CDC73: variants seen among roughly 807,000 people sequenced by gnomAD.
CDC73 encodes the protein cell division cycle 73.
CDC73 carries 21 observed loss-of-function variants against 83.7 expected under a neutral mutation model. The observed-to-expected ratio is 0.25, with a 90% confidence interval of 0.18 to 0.36. CDC73 has a LOEUF of 0.36. Ranked by LOEUF, CDC73 falls within the 10% of genes least tolerant of loss-of-function variation. The pLI is 1.00. For missense variants in CDC73, 342 were observed against 653.3 expected, an observed-to-expected ratio of 0.52 and a Z score of 5.19; for synonymous variants, 224 against 212.9, an observed-to-expected ratio of 1.05 and a Z score of -0.45.
chr1:193,248,339 A>G (rs1289445122), intron 15 of CDC73, among the ~76,000 whole-genome samples: 2 of 152,122 alleles, frequency 1.3e-5, no homozygotes, highest in African/African-American at 4.8e-5. Context: ...ATTCCTTTCA[A>G]AATATTAGTG....
intron 14 of CDC73, among the ~76,000 whole-genome samples, chr1:193,235,596 C>T (rs887182946): frequency 2.0e-5 from 3 of 151,980 alleles, no homozygotes; most frequent in African/African-American, 7.3e-5. Context: ...AATTTGAGGG[C>T]CTACAAAGAA....
chr1:193,158,300 G>A (rs1419336476), intron 10 of CDC73, among the ~76,000 whole-genome samples: 1 of 151,928 alleles, frequency 6.6e-6, no homozygotes, highest in Non-Finnish European at 1.5e-5. Context: ...TAATAACTAG[G>A]TTGGCCTTTT....
chr1:193,122,036 T>G lies in CDC73; in HGVS notation c.-165T>G. 1 of 658,796 alleles carries G rather than the reference T, an allele frequency of 1.5e-6. No individual in the cohort carries two copies. The highest frequency in any genetic ancestry group is 2.7e-6 in the Non-Finnish European group (1 of 374,300). The allele number at this position is 658,796 out of a possible 1,614,324, so 40.8% of individuals were successfully genotyped here. A position where few individuals can be genotyped will look rare whatever the true frequency, so the allele number is the denominator to read the frequency against. ...GGTCCTCGGCGGCCTGGGTGGCTAC[T>G]GCCCCTGCTGCTGTCGTAGGCGAGG... On this transcript the variant is annotated 5_prime_UTR_variant, in exon 1 of 17. Coordinates refer to ENST00000367435, the MANE Select transcript of CDC73 (RefSeq NM_024529.5).
At chr1:193,223,039 GT>G (rs1677499620) in intron 13 of CDC73, among the ~76,000 whole-genome samples, 1 of 151,866 alleles carries the variant, frequency 6.6e-6, no homozygotes, top group South Asian at 2.1e-4. Flanking sequence ...TTATGGTTCT[GT>G]TTAGTTATTT....
chr1:193,174,321 C>T (rs1426010264), intron 10 of CDC73, among the ~76,000 whole-genome samples: 3 of 151,840 alleles, frequency 2.0e-5, no homozygotes, highest in African/African-American at 7.3e-5. Flanking sequence ...CCTTTTTCTT[C>T]TAGTTATCTT....
At chr1:193,225,334 T>C (rs553060331) in intron 13 of CDC73, among the ~76,000 whole-genome samples, 3 of 152,016 alleles carry the variant, frequency 2.0e-5, no homozygotes, top group South Asian at 2.1e-4. Context: ...TGGTTCCACA[T>C]TTTTGCAATT....
chr1:193,134,371 A>T (rs545578127), intron 3 of CDC73, among the ~76,000 whole-genome samples: 1 of 152,020 alleles, frequency 6.6e-6, no homozygotes, highest in Non-Finnish European at 1.5e-5. Flanking sequence ...CAGTAGCTAT[A>T]AAAAAATGGT....
At chr1:193,156,996 A>C (rs548803380) in intron 10 of CDC73, among the ~76,000 whole-genome samples, 14 of 152,316 alleles carry the variant, frequency 9.2e-5, no homozygotes, top group Admixed American at 5.2e-4. Flanking sequence ...TGTTAAAGGT[A>C]CGTTGTGCAA....
In CDC73 at chr1:193,253,454, C is replaced by T. The variant is rs1212784835; in HGVS notation, c.*2742C>T. On this transcript the variant is annotated 3_prime_UTR_variant, in exon 17 of 17. Coordinates refer to ENST00000367435, the MANE Select transcript of CDC73 (RefSeq NM_024529.5). ...GTGGCCACCCTTTGCACTAGACCAT[C>T]CCTTTTATTGGTGGTATTGGCCTAT... The T allele has an allele frequency of 4.3e-6, 1 of 232,206 alleles. No individual in the cohort carries two copies. The highest frequency in any genetic ancestry group is 2.2e-5 in the African/African-American group (1 of 45,232). The allele number at this position is 232,206 out of a possible 1,614,324, so 14.4% of individuals were successfully genotyped here. A position where few individuals can be genotyped will look rare whatever the true frequency, so the allele number is the denominator to read the frequency against.
At chr1:193,238,728 A>G (rs942341505) in intron 15 of CDC73, among the ~76,000 whole-genome samples, 5 of 152,354 alleles carry the variant, frequency 3.3e-5, no homozygotes, top group African/African-American at 1.2e-4. Context: ...TGTATACTGT[A>G]TTCTTATGAT....
At chr1:193,206,561 G>A (rs1677192155) in intron 11 of CDC73, among the ~76,000 whole-genome samples, 1 of 152,026 alleles carries the variant, frequency 6.6e-6, no homozygotes, top group Non-Finnish European at 1.5e-5. Context: ...AGTTTTGAAG[G>A]GATATTGTTT....
At chr1:193,162,442 A>C (rs1338692406) in intron 10 of CDC73, among the ~76,000 whole-genome samples, 16 of 148,918 alleles carry the variant, frequency 1.1e-4, no homozygotes, top group Non-Finnish European at 5.9e-5. Flanking sequence ...GCATGATCTC[A>C]GCTCACTGCA....
intron 7 of CDC73, among the ~76,000 whole-genome samples, chr1:193,143,558 A>T (rs569598688): frequency 2.0e-5 from 3 of 152,288 alleles, no homozygotes; most frequent in African/African-American, 4.8e-5. Flanking sequence ...TATATCTTTT[A>T]AAAAAATAAG....
intron 10 of CDC73, among the ~76,000 whole-genome samples, chr1:193,163,879 A>G (rs376759231): frequency 6.6e-6 from 1 of 152,182 alleles, no homozygotes; most frequent in Non-Finnish European, 1.5e-5. Flanking sequence ...CCCAGGTTCA[A>G]GCTGTTCTCC....
At chr1:193,246,574 C>A (rs1385192968) in intron 15 of CDC73, among the ~76,000 whole-genome samples, 1 of 151,940 alleles carries the variant, frequency 6.6e-6, no homozygotes, top group Non-Finnish European at 1.5e-5. Flanking sequence ...GAAGGCAATC[C>A]CATTTATAGT....
chr1:193,148,896 C>T (rs1676055887), intron 8 of CDC73, among the ~76,000 whole-genome samples: 1 of 151,782 alleles, frequency 6.6e-6, no homozygotes, highest in Non-Finnish European at 1.5e-5. Context: ...GATCTGCCCA[C>T]CTCGGCCTTC....
chr1:193,202,383 T>G (rs7547930), intron 10 of CDC73, among the ~76,000 whole-genome samples: 23 of 150,634 alleles, frequency 1.5e-4, no homozygotes, highest in African/African-American at 5.5e-4. Flanking sequence ...ATATTTGATA[T>G]GCTCTCCACC....
intron 15 of CDC73, among the ~76,000 whole-genome samples, chr1:193,239,408 GAAAATTAT>G (rs1677819285): frequency 6.6e-6 from 1 of 152,040 alleles, no homozygotes; most frequent in Non-Finnish European, 1.5e-5. Flanking sequence ...GGCCTTGATA[GAAAATTAT>G]ATTATATTTT....
At chr1:193,135,298 A>C in intron 3 of CDC73, 93 bp from the exon 4 acceptor site, 2 of 999,784 alleles carry the variant, frequency 2.0e-6, no homozygotes, top group Non-Finnish European at 3.1e-6. Context: ...ACCATATAGA[A>C]GTATATAAAA....
Sources: gnomAD v4.1 joint callset for allele counts (sites outside exome capture counted in the v4.1 genomes callset) on GRCh38, gnomAD v4.1.1 for gene constraint, MANE v1.5 for transcripts, NCBI Gene and HGNC (gene_info 2026-07-23, HGNC 2026-07-21) for gene names.